AP4E1: variants seen among roughly 807,000 people sequenced by gnomAD.
The protein encoded by AP4E1 is AP-4 complex subunit epsilon-1.
AP4E1 carries 56 observed loss-of-function variants against 128.2 expected under a neutral mutation model. That is an observed-to-expected ratio of 0.44 (90% confidence interval 0.35 to 0.55). AP4E1 has a LOEUF of 0.55. Among genes scored for constraint, AP4E1 ranks in the 20% least tolerant of loss-of-function variants. The probability of loss-of-function intolerance (pLI) is 0.00; values close to 1 mark genes in which losing one functional copy is unlikely to be tolerated. For missense variants in AP4E1, 1,324 were observed against 1,307.7 expected (o/e 1.01, Z -0.19); for synonymous variants, 484 against 473.1 (o/e 1.02, Z -0.30).
intron 3 of AP4E1, chr15:50,918,126 A>G (rs895269229): frequency 6.6e-6 from 1 of 152,194 alleles, no homozygotes; most frequent in African/African-American, 2.4e-5. Flanking sequence ...GTTATAGTAT[A>G]ATGTTGTAAT....
intron 13 of AP4E1, among the ~76,000 whole-genome samples, chr15:50,957,564 C>T (rs2064242739): frequency 6.6e-6 from 1 of 152,058 alleles, no homozygotes. Context: ...TCTCCAGGGA[C>T]CCCACCCTTT....
chr15:50,948,272 TTTTA>T, intron 11 of AP4E1, 113 bp downstream of exon 11: 2 of 1,335,592 alleles, frequency 1.5e-6, no homozygotes, highest in Non-Finnish European at 2.1e-6. Context: ...TAGCAATACT[TTTTA>T]TTCCTGATTT....
intron 15 of AP4E1, among the ~76,000 whole-genome samples, chr15:50,968,588 C>A (rs965582883): frequency 3.9e-5 from 6 of 152,058 alleles, no homozygotes; most frequent in Non-Finnish European, 8.8e-5. Flanking sequence ...GGCTCTCTAT[C>A]CACAAATACC....
At chr15:50,914,649 T>C (rs1199710348) in intron 2 of AP4E1, among the ~76,000 whole-genome samples, 1 of 47,212 alleles carries the variant, frequency 2.1e-5, no homozygotes, top group Non-Finnish European at 3.9e-5. Flanking sequence ...AGACTCTGTC[T>C]CAAAAAAAAA....
chr15:50,985,053 A>G (rs989252282), intron 16 of AP4E1, among the ~76,000 whole-genome samples: 12 of 152,106 alleles, frequency 7.9e-5, no homozygotes, highest in Non-Finnish European at 1.3e-4. Context: ...TTCCTCTGAT[A>G]GCCAGTGATG....
rs1401774266 is a variant in AP4E1, at chr15:50,977,706, G to GTTTTTTTTTTTTTTTT, written c.1967-6311_1967-6296dup. ...ATCTTTTAATTATCAATCTGTTATGGTTTTTTTTTTTTTTTTTTTTAGACA... is the reference window on the plus strand; with the variant it reads ...ATCTTTTAATTATCAATCTGTTATGGTTTTTTTTTTTTTTTTTTTTTTTTTTTTTTTTTTTTAGACA... On this transcript the variant is annotated intron_variant, in intron 15 of 20. Coordinates refer to ENST00000261842, the MANE Select transcript of AP4E1 (RefSeq NM_007347.5). Among the ~76,000 whole-genome samples, 35 of 80,260 alleles carry GTTTTTTTTTTTTTTTT rather than the reference G, an allele frequency of 4.4e-4. 2 individuals are homozygous for GTTTTTTTTTTTTTTTT. Among genetic ancestry groups the GTTTTTTTTTTTTTTTT allele is most frequent in the African/African-American group, 1.1e-3 (24 of 21,468 alleles). 52.7% of individuals were successfully genotyped at this position (80,260 alleles called of 152,430 possible). A position where few individuals can be genotyped will look rare whatever the true frequency, so the allele number is the denominator to read the frequency against.
At position 50,974,008 on chromosome 15, in the gene AP4E1, T is replaced by C. The variant is rs138021729; in HGVS notation, c.1966+5631T>C. ...AGAGACAGAATCTTGCTCTGTCGCC[T>C]AGGCTGGAGTGCAGTGGTACGATCT... On this transcript the variant is annotated intron_variant, in intron 15 of 20. Transcript: ENST00000261842. Among the ~76,000 whole-genome samples the C allele has an allele frequency of 4.1e-4, 62 of 152,258 alleles. No homozygotes were observed. The East Asian group carries it at 0.012, about 29-fold the overall frequency.
chr15:50,947,581 A>G (rs1272122016), intron 10 of AP4E1, among the ~76,000 whole-genome samples: 1 of 152,186 alleles, frequency 6.6e-6, no homozygotes, highest in Non-Finnish European at 1.5e-5. Context: ...GTTGTTTGGG[A>G]AATAGTCTGC....
At chr15:50,982,968 A>G (rs2064663179) in intron 15 of AP4E1, among the ~76,000 whole-genome samples, 1 of 152,212 alleles carries the variant, frequency 6.6e-6, no homozygotes, top group South Asian at 2.1e-4. Flanking sequence ...ATTTTCTAAG[A>G]TACTTTTTAT....
intron 5 of AP4E1, among the ~76,000 whole-genome samples, chr15:50,927,407 C>T (rs1053111955): frequency 2.6e-4 from 39 of 152,212 alleles, no homozygotes; most frequent in African/African-American, 8.7e-4. Context: ...ACTTTTGAAT[C>T]CCTGGTTGTA....
intron 20 of AP4E1, 144 bp from the exon 21 acceptor site, chr15:51,002,358 G>A: frequency 1.3e-6 from 1 of 780,090 alleles, no homozygotes; most frequent in Non-Finnish European, 2.2e-6. Flanking sequence ...GTATCTCACT[G>A]TGGTTTCAAT....
At chr15:50,986,027 A>G (rs1249300470) in intron 16 of AP4E1, among the ~76,000 whole-genome samples, 6 of 152,094 alleles carry the variant, frequency 3.9e-5, no homozygotes, top group Non-Finnish European at 7.3e-5. Context: ...GGTCCTTCAC[A>G]TTGCTTGTAA....
intron 2 of AP4E1, among the ~76,000 whole-genome samples, chr15:50,914,582 T>C (rs1596452720): frequency 1.4e-5 from 2 of 138,134 alleles, no homozygotes; most frequent in Admixed American, 8.2e-5. Context: ...ACGTGGTAGG[T>C]GGAGGCTGCG....
intron 14 of AP4E1, among the ~76,000 whole-genome samples, chr15:50,959,753 A>G (rs983816113): frequency 6.6e-6 from 1 of 152,228 alleles, no homozygotes; most frequent in Non-Finnish European, 1.5e-5. Flanking sequence ...AACAATCAAC[A>G]AAATGACAGT....
At chr15:50,994,577 C>T (rs754041138) in intron 17 of AP4E1, among the ~76,000 whole-genome samples, 2 of 152,150 alleles carry the variant, frequency 1.3e-5, no homozygotes, top group African/African-American at 2.4e-5. Context: ...ATATTAATAA[C>T]TAATGTATCT....
At chr15:50,920,408 C>A (rs937354625) in intron 3 of AP4E1, among the ~76,000 whole-genome samples, 4 of 146,712 alleles carry the variant, frequency 2.7e-5, no homozygotes, top group Admixed American at 6.9e-5. Flanking sequence ...CCACCGTGCC[C>A]GGCCTTCTTT....
At chr15:50,943,795 G>C (rs191258761) in intron 10 of AP4E1, among the ~76,000 whole-genome samples, 1 of 152,160 alleles carries the variant, frequency 6.6e-6, no homozygotes, top group Non-Finnish European at 1.5e-5. Flanking sequence ...TGATTAATGG[G>C]CTGGTAGCAT....
intron 16 of AP4E1, among the ~76,000 whole-genome samples, chr15:50,986,899 G>A (rs933070821): frequency 4.0e-4 from 61 of 152,152 alleles, no homozygotes; most frequent in Non-Finnish European, 6.5e-4. Flanking sequence ...GCTCCTCCTT[G>A]TACCTCTGGT....
rs538583258 is a variant in AP4E1, at chr15:50,940,502, T to C, written c.944-940T>C. ...ATATATTTTGTACATAAAGAGAATG[T>C]CGGGTTATATTTTAAGCTTTTGGAA... On this transcript the variant is annotated intron_variant, in intron 8 of 20. Coordinates refer to ENST00000261842, the MANE Select transcript of AP4E1 (RefSeq NM_007347.5). 2.0e-4 allele frequency among the ~76,000 whole-genome samples: 31 copies of C among 152,264 alleles called. 1 individual carries two copies. The highest frequency in any genetic ancestry group is 7.2e-4 in the African/African-American group (30 of 41,546).
Sources: gnomAD v4.1 joint callset for allele counts (sites outside exome capture counted in the v4.1 genomes callset) on GRCh38, gnomAD v4.1.1 for gene constraint, MANE v1.5 for transcripts, NCBI Gene and HGNC (gene_info 2026-07-23, HGNC 2026-07-21) for gene names.